Variants in FBXW7 observed in about 807,000 individuals in gnomAD.
FBXW7 encodes F-box and WD repeat domain containing 7, also known as F-box/WD repeat-containing protein 7.
Under a neutral mutation model 86.3 loss-of-function variants are expected in FBXW7, and 11 were observed. That is an observed-to-expected ratio of 0.13 (90% CI 0.08 to 0.21). The LOEUF is 0.21. FBXW7 is among the 10% of genes least tolerant of loss of function. The pLI is 1.00. For synonymous variants in FBXW7, 313 were observed against 297.9 expected (o/e 1.05, Z -0.52); for missense variants, 488 against 847.4 (o/e 0.58, Z 5.27).
chr4:152,486,145 T>C (rs1004383461), intron 2 of FBXW7, among the ~76,000 whole-genome samples: 3 of 152,170 alleles, frequency 2.0e-5, no homozygotes, highest in Non-Finnish European at 2.9e-5. Context: ...TATGCCTATA[T>C]AGGGCACTTA....
At position 152,417,009 on chromosome 4, in the gene FBXW7, C is replaced by T. The variant is rs563291017; in HGVS notation, c.-119-4480G>A. Among the ~76,000 whole-genome samples, 3 of 152,118 alleles carry T rather than the reference C, an allele frequency of 2.0e-5. No individual in the cohort carries two copies. The South Asian group carries it at 6.2e-4, about 32-fold the overall frequency. On this transcript the variant is annotated intron_variant, in intron 2 of 13. Coordinates refer to ENST00000281708, the MANE Select transcript of FBXW7 (RefSeq NM_001349798.2). Reference sequence around the variant, plus strand: ...GCTCTCTTTACAACTCTCTCCTGTCCCTTAATTTTCCTTGGTACATTCCTC... The same window carrying T: ...GCTCTCTTTACAACTCTCTCCTGTCTCTTAATTTTCCTTGGTACATTCCTC...
intron 7 of FBXW7, among the ~76,000 whole-genome samples, chr4:152,336,746 T>C (rs1304518923): frequency 6.6e-6 from 1 of 152,050 alleles, no homozygotes; most frequent in Non-Finnish European, 1.5e-5. Flanking sequence ...AAGAAAAGAT[T>C]TTCTCCACTT....
intron 2 of FBXW7, among the ~76,000 whole-genome samples, chr4:152,458,601 C>T (rs1311362931): frequency 6.6e-6 from 1 of 152,230 alleles, no homozygotes; most frequent in African/African-American, 2.4e-5. Context: ...ATTTCACATA[C>T]ATCCATTTGC....
At chr4:152,345,957 T>C (rs1326456832) in intron 6 of FBXW7, among the ~76,000 whole-genome samples, 1 of 152,154 alleles carries the variant, frequency 6.6e-6, no homozygotes, top group Non-Finnish European at 1.5e-5. Context: ...TAGTATATTC[T>C]TTTTACATTA....
intron 4 of FBXW7, among the ~76,000 whole-genome samples, chr4:152,362,740 T>C (rs561326259): frequency 4.0e-4 from 60 of 150,648 alleles, no homozygotes; most frequent in African/African-American, 5.6e-4. Context: ...AGGCAGAGAA[T>C]TGCTCAAACC....
intron 1 of FBXW7, 39 bp downstream of exon 1, chr4:152,535,088 C>G (rs1281889084): frequency 1.3e-5 from 2 of 153,190 alleles, no homozygotes; most frequent in Non-Finnish European, 2.9e-5. Context: ...CGGGTCTCTT[C>G]CGCGCTGCCA....
intron 2 of FBXW7, among the ~76,000 whole-genome samples, chr4:152,442,757 G>C (rs576770691): frequency 2.6e-4 from 40 of 152,280 alleles, no homozygotes; most frequent in Admixed American, 5.2e-4. Context: ...CCCAAGTTAT[G>C]AACACTTAAA....
chr4:152,435,711 A>C (rs891927242), intron 2 of FBXW7, among the ~76,000 whole-genome samples: 13 of 152,336 alleles, frequency 8.5e-5, no homozygotes, highest in African/African-American at 3.1e-4. Context: ...ACTGGACTGC[A>C]GTTTACTGCA....
chr4:152,457,097 T>C (rs147897724), intron 2 of FBXW7, among the ~76,000 whole-genome samples: 249 of 152,248 alleles, frequency 1.6e-3, no homozygotes, highest in African/African-American at 5.6e-3. Flanking sequence ...ATCTCAAATA[T>C]ATTGAGCTAG....
intron 2 of FBXW7, among the ~76,000 whole-genome samples, chr4:152,457,231 G>C (rs1459658311): frequency 6.6e-6 from 1 of 152,214 alleles, no homozygotes; most frequent in East Asian, 1.9e-4. Context: ...GAAGTGGGGA[G>C]TGAAGAGATT....
At chr4:152,503,456 G>A (rs1000517183) in intron 2 of FBXW7, among the ~76,000 whole-genome samples, 1 of 152,026 alleles carries the variant, frequency 6.6e-6, no homozygotes, top group Non-Finnish European at 1.5e-5. Context: ...TTTTTTAGTA[G>A]AGATGGGGTT....
intron 2 of FBXW7, among the ~76,000 whole-genome samples, chr4:152,456,727 C>A (rs1471934380): frequency 6.6e-6 from 1 of 152,066 alleles, no homozygotes; most frequent in Non-Finnish European, 1.5e-5. Flanking sequence ...CTGTCCATAC[C>A]AAGAATTCTG....
chr4:152,405,499 C>CTTTATCAGTGGGAAATGGGGCACCA (rs1737340156), intron 4 of FBXW7, among the ~76,000 whole-genome samples: 1 of 152,056 alleles, frequency 6.6e-6, no homozygotes, highest in African/African-American at 2.4e-5. Context: ...TTAGGTTTGG[C>CTTTATCAGTGGGAAATGGGGCACCA]TTTATCAGTG....
At chr4:152,500,496 C>CAAAAAAAA (rs34375454) in intron 2 of FBXW7, among the ~76,000 whole-genome samples, 1 of 73,092 alleles carries the variant, frequency 1.4e-5, no homozygotes, top group Non-Finnish European at 2.8e-5. Flanking sequence ...GCTTTGTCAG[C>CAAAAAAAA]AAAAAAAAAA....
At chr4:152,453,411 T>C (rs1323785692) in intron 2 of FBXW7, among the ~76,000 whole-genome samples, 1 of 152,148 alleles carries the variant, frequency 6.6e-6, no homozygotes, top group Non-Finnish European at 1.5e-5. Context: ...CTCTGGTTCA[T>C]TCAGTCTATT....
intron 9 of FBXW7, 41 bp from the exon 10 acceptor site, chr4:152,329,826 T>C (rs1729386200): frequency 8.5e-7 from 1 of 1,172,186 alleles, no homozygotes; most frequent in Non-Finnish European, 1.2e-6. Flanking sequence ...GTTAATTAAA[T>C]TATGTTCTTT....
rs1233354528 is a variant in FBXW7 at position 152,535,882 on chromosome 4, GA to G, written c.-969del. The G allele has an allele frequency of 5.3e-6, 2 of 377,046 alleles. No individual in the cohort carries two copies. Among genetic ancestry groups the G allele is most frequent in the Admixed American group, 4.6e-5 (1 of 21,854 alleles). The allele number at this position is 377,046 out of a possible 1,614,324, so 23.4% of individuals were successfully genotyped here. A position where few individuals can be genotyped will look rare whatever the true frequency, so the allele number is the denominator to read the frequency against. ...AGCCGCCGCTGCCGGCCGGGAAGGTGAGGGGGGGAAAGGAGTGCGGCCGCGG... is the reference window on the plus strand; with the variant it reads ...AGCCGCCGCTGCCGGCCGGGAAGGTGGGGGGGGAAAGGAGTGCGGCCGCGG... On this transcript the variant is annotated 5_prime_UTR_variant, in exon 1 of 14. Coordinates refer to ENST00000281708, the MANE Select transcript of FBXW7 (RefSeq NM_001349798.2).
intron 2 of FBXW7, among the ~76,000 whole-genome samples, chr4:152,478,358 A>T (rs1430117570): frequency 6.6e-6 from 1 of 152,138 alleles, no homozygotes; most frequent in Admixed American, 6.6e-5. Flanking sequence ...CACTTAGCAC[A>T]ATGTTTTCAA....
intron 2 of FBXW7, among the ~76,000 whole-genome samples, chr4:152,528,561 G>C (rs920181414): frequency 2.0e-5 from 3 of 152,142 alleles, no homozygotes; most frequent in African/African-American, 7.2e-5. Flanking sequence ...CCAATATCCA[G>C]ATCAAGTGCT....
Sources: gnomAD v4.1 joint callset for allele counts (sites outside exome capture counted in the v4.1 genomes callset) on GRCh38, gnomAD v4.1.1 for gene constraint, MANE v1.5 for transcripts, NCBI Gene and HGNC (gene_info 2026-07-23, HGNC 2026-07-21) for gene names.